Variants in KCND2 observed in about 807,000 individuals in gnomAD.
KCND2 encodes the protein potassium voltage-gated channel subfamily D member 2.
KCND2 carries 16 observed loss-of-function variants against 54.4 expected under a neutral mutation model. The observed-to-expected ratio is 0.29, with a 90% CI of 0.20 to 0.45. The LOEUF (loss-of-function observed/expected upper bound fraction) is 0.45, where lower values mean the gene tolerates loss of function less well. Among genes scored for constraint, KCND2 ranks in the 20% least tolerant of loss-of-function variants. The pLI, the probability that KCND2 is intolerant of heterozygous loss-of-function variation, is 1.00. For missense variants in KCND2, 486 were observed against 824.2 expected (o/e 0.59, Z 5.02); for synonymous variants, 317 against 310.7 (o/e 1.02, Z -0.21).
intron 2 of KCND2, 110 bp from the exon 3 acceptor site, chr7:120,741,424 C>A: frequency 2.6e-6 from 2 of 768,974 alleles, no homozygotes; most frequent in Non-Finnish European, 4.6e-6. Flanking sequence ...GAAAAGCTGG[C>A]TTACTTTTAA....
intron 1 of KCND2, among the ~76,000 whole-genome samples, chr7:120,426,667 G>A (rs1271708794): frequency 6.9e-6 from 1 of 144,560 alleles, no homozygotes; most frequent in African/African-American, 2.7e-5. Flanking sequence ...TGTCGCCCAG[G>A]CTGGAGTGCA....
chr7:120,582,696 A>G (rs948280169), intron 1 of KCND2, among the ~76,000 whole-genome samples: 2 of 152,166 alleles, frequency 1.3e-5, no homozygotes, highest in African/African-American at 4.8e-5. Flanking sequence ...AAAAAAATAT[A>G]TTCTAAGATA....
chr7:120,405,333 A>C (rs1801335115), intron 1 of KCND2, among the ~76,000 whole-genome samples: 2 of 152,280 alleles, frequency 1.3e-5, no homozygotes, highest in South Asian at 4.2e-4. Flanking sequence ...GGTGAATCCC[A>C]CTTGAGTTTC....
At chr7:120,494,029 T>C (rs1179868470) in intron 1 of KCND2, among the ~76,000 whole-genome samples, 5 of 152,146 alleles carry the variant, frequency 3.3e-5, no homozygotes, top group Non-Finnish European at 7.4e-5. Flanking sequence ...TGTCATTTGA[T>C]AACAAACAGA....
chr7:120,496,208 C>T (rs1396185139), intron 1 of KCND2, among the ~76,000 whole-genome samples: 1 of 151,992 alleles, frequency 6.6e-6, no homozygotes, highest in Non-Finnish European at 1.5e-5. Context: ...AGAAGTTGCC[C>T]TGATGAGTTT....
intron 1 of KCND2, among the ~76,000 whole-genome samples, chr7:120,487,694 C>G (rs571657722): frequency 2.0e-5 from 3 of 152,260 alleles, no homozygotes; most frequent in African/African-American, 7.2e-5. Flanking sequence ...GATAATGATT[C>G]ATGTGGGAAG....
intron 1 of KCND2, among the ~76,000 whole-genome samples, chr7:120,279,751 A>G (rs562395861): frequency 2.0e-5 from 3 of 152,042 alleles, no homozygotes; most frequent in African/African-American, 7.2e-5. Flanking sequence ...TGTATCAGGG[A>G]AATTCCTTTT....
intron 1 of KCND2, among the ~76,000 whole-genome samples, chr7:120,538,512 G>A (rs1413093350): frequency 6.6e-6 from 1 of 152,174 alleles, no homozygotes; most frequent in African/African-American, 2.4e-5. Flanking sequence ...TGGGGCAGGA[G>A]GGCCTGGTCT....
chr7:120,330,550 C>A (rs1363160563), intron 1 of KCND2, among the ~76,000 whole-genome samples: 2 of 126,070 alleles, frequency 1.6e-5, no homozygotes, highest in Non-Finnish European at 3.2e-5. Context: ...CACTGCACTC[C>A]AGCCTGGGTG....
intron 4 of KCND2, among the ~76,000 whole-genome samples, chr7:120,745,423 C>CT (rs892379569): frequency 6.6e-6 from 1 of 151,778 alleles, no homozygotes; most frequent in African/African-American, 2.4e-5. Context: ...GTGGGAATTT[C>CT]TAATTTCCCT....
At chr7:120,301,571 A>G (rs1799585771) in intron 1 of KCND2, among the ~76,000 whole-genome samples, 1 of 152,148 alleles carries the variant, frequency 6.6e-6, no homozygotes, top group Non-Finnish European at 1.5e-5. Flanking sequence ...ACTTTTTTAT[A>G]AATAAATACT....
intron 1 of KCND2, among the ~76,000 whole-genome samples, chr7:120,467,117 G>A (rs1802381766): frequency 6.6e-6 from 1 of 152,052 alleles, no homozygotes; most frequent in South Asian, 2.1e-4. Context: ...TAGGTTCCAG[G>A]ATTAAGATGT....
chr7:120,520,004 G>T (rs1320213059), intron 1 of KCND2, among the ~76,000 whole-genome samples: 1 of 151,994 alleles, frequency 6.6e-6, no homozygotes, highest in Non-Finnish European at 1.5e-5. Flanking sequence ...ATATTTGCAT[G>T]AAGAAAATAT....
intron 1 of KCND2, among the ~76,000 whole-genome samples, chr7:120,276,484 C>T (rs1374281974): frequency 6.6e-6 from 1 of 151,996 alleles, no homozygotes; most frequent in Non-Finnish European, 1.5e-5. Context: ...ATCTACAGAT[C>T]CCATCAGGCA....
chr7:120,740,857 C>A (rs202106357), intron 2 of KCND2: 1 of 456,006 alleles, frequency 2.2e-6, no homozygotes, highest in Admixed American at 2.4e-5. Flanking sequence ...TACAGTCGTG[C>A]GGACCCGTGC....
chr7:120,419,479 G>C (rs1170737825), intron 1 of KCND2, among the ~76,000 whole-genome samples: 1 of 152,098 alleles, frequency 6.6e-6, no homozygotes, highest in Non-Finnish European at 1.5e-5. Flanking sequence ...TGTATACTAA[G>C]GAATCTCTTT....
At chr7:120,573,107 A>G (rs1792385894) in intron 1 of KCND2, among the ~76,000 whole-genome samples, 2 of 152,192 alleles carry the variant, frequency 1.3e-5, no homozygotes, top group African/African-American at 4.8e-5. Context: ...GTATTTTCCC[A>G]ATTACAATTC....
intron 1 of KCND2, among the ~76,000 whole-genome samples, chr7:120,703,588 A>G (rs967504101): frequency 2.6e-5 from 4 of 152,208 alleles, no homozygotes; most frequent in African/African-American, 9.6e-5. Flanking sequence ...ATTCAGAAGA[A>G]CAGTTATTAC....
At chr7:120,528,035 A>G (rs904846966) in intron 1 of KCND2, among the ~76,000 whole-genome samples, 3 of 152,148 alleles carry the variant, frequency 2.0e-5, no homozygotes, top group Admixed American at 6.5e-5. Flanking sequence ...TTATTGTACT[A>G]TACAATAAGC....
Sources: gnomAD v4.1 joint callset for allele counts (sites outside exome capture counted in the v4.1 genomes callset) on GRCh38, gnomAD v4.1.1 for gene constraint, MANE v1.5 for transcripts, NCBI Gene and HGNC (gene_info 2026-07-23, HGNC 2026-07-21) for gene names.